Variants in MYO10 observed in about 807,000 individuals in gnomAD.
MYO10 encodes unconventional myosin-X.
A neutral mutation model predicts 257.3 loss-of-function variants in MYO10; 133 were observed. The ratio of observed to expected loss-of-function variants is 0.52; its 90% CI spans 0.45 to 0.60. The LOEUF (loss-of-function observed/expected upper bound fraction) is 0.60, where lower values mean the gene tolerates loss of function less well. MYO10 is among the 20% of genes least tolerant of loss of function. The pLI is 0.00. For synonymous variants in MYO10, 1,104 were observed against 1,028.6 expected (o/e 1.07, Z -1.40); for missense variants, 2,399 against 2,635.7 (o/e 0.91, Z 1.97).
At chr5:16,919,580 GA>G (rs1260713087) in intron 1 of MYO10, among the ~76,000 whole-genome samples, 2 of 152,100 alleles carry the variant, frequency 1.3e-5, no homozygotes, top group African/African-American at 4.8e-5. Context: ...AATCACTTAG[GA>G]CTACCAAGCA....
In MYO10 at chr5:16,675,623, G is replaced by A. The variant is rs567695349; in HGVS notation, c.4666+408C>T. On this transcript the variant is annotated intron_variant, in intron 34 of 40. Transcript: ENST00000513610. ...TGTGGTGGCGGGTGCTTGTAATCCC[G>A]GCTACTTAGGAGGCTGAGGCATGAG... 5.2e-3 allele frequency among the ~76,000 whole-genome samples: 784 copies of A among 152,014 alleles called. 4 individuals are homozygous for A. The highest frequency in any genetic ancestry group is 0.018 in the African/African-American group (750 of 41,450).
chr5:16,899,692 A>G (rs929809837), intron 1 of MYO10, among the ~76,000 whole-genome samples: 10 of 151,822 alleles, frequency 6.6e-5, no homozygotes, highest in African/African-American at 2.4e-4. Context: ...TAAATTGTAC[A>G]GGTCCAGTGT....
At chr5:16,720,022 G>GTA (rs1554039284) in intron 19 of MYO10, among the ~76,000 whole-genome samples, 12 of 142,130 alleles carry the variant, frequency 8.4e-5, no homozygotes, top group South Asian at 4.2e-4. Flanking sequence ...GTGTGTGTGT[G>GTA]TATATGTATG....
At chr5:16,894,215 C>T (rs1580124321) in intron 1 of MYO10, among the ~76,000 whole-genome samples, 1 of 152,176 alleles carries the variant, frequency 6.6e-6, no homozygotes, top group South Asian at 2.1e-4. Context: ...GTCCTTTTTC[C>T]GTCCCAGGAC....
At position 16,758,129 on chromosome 5, in the gene MYO10, A is replaced by C. The variant is rs760184606; in HGVS notation, c.1837T>G (p.Ser613Ala). 6.2e-7 allele frequency: 1 copy of C among 1,608,512 alleles called. No homozygotes were observed. Among genetic ancestry groups the C allele is most frequent in the East Asian group, 2.2e-5 (1 of 44,866 alleles). ...CAGTGAAAACGAACCTTGAACTGTGAGCTGACTGTAGGCCGCCGATGTTTG... is the reference window on the plus strand; with the variant it reads ...CAGTGAAAACGAACCTTGAACTGTGCGCTGACTGTAGGCCGCCGATGTTTG... ...GSKHRRPTVS[S>A]QFKDSLHSLM... The change falls in exon 18 of 41, where the codon TCA (serine) becomes GCA (alanine). Residue 613 changes from serine (S) to alanine (A), a missense_variant. Ser to Ala is a moderately conservative substitution (Grantham distance 99, BLOSUM62 1). Coordinates refer to ENST00000513610, the MANE Select transcript of MYO10 (RefSeq NM_012334.3).
intron 21 of MYO10, among the ~76,000 whole-genome samples, chr5:16,707,593 A>G (rs1252685401): frequency 6.6e-6 from 1 of 152,202 alleles, no homozygotes; most frequent in Admixed American, 6.5e-5. Flanking sequence ...GAGGAAGAAA[A>G]GTCTGACACT....
At chr5:16,870,459 C>T (rs1485343628) in intron 2 of MYO10, among the ~76,000 whole-genome samples, 4 of 151,646 alleles carry the variant, frequency 2.6e-5, no homozygotes, top group Middle Eastern at 3.4e-3. Context: ...GCTCTCCAGC[C>T]CCACCCCAAC....
Position 16,895,196 on chromosome 5 carries a change from C to A in MYO10, c.22-17489G>T, listed in dbSNP as rs115676209. On this transcript the variant is annotated intron_variant, in intron 1 of 40. Coordinates refer to ENST00000513610, the MANE Select transcript of MYO10 (RefSeq NM_012334.3). The stretch of plus-strand genomic sequence containing the variant: ...CATTTTGAAGGATCCATTTTTAATT[C>A]TTTCTCAGTTTGAAAGGCCTTCAGT... 7.2e-3 allele frequency among the ~76,000 whole-genome samples: 1,090 copies of A among 152,338 alleles called. 13 individuals carry two copies. The highest frequency in any genetic ancestry group is 0.024 in the African/African-American group (1,017 of 41,582).
At chr5:16,849,704 G>A (rs1304876458) in intron 2 of MYO10, among the ~76,000 whole-genome samples, 1 of 152,196 alleles carries the variant, frequency 6.6e-6, no homozygotes, top group Non-Finnish European at 1.5e-5. Context: ...TTAAATTAAT[G>A]TACTTATTTC....
intron 9 of MYO10, among the ~76,000 whole-genome samples, chr5:16,777,839 C>CTATTCTTTTTTTTTTT (rs1391555719): frequency 1.1e-5 from 1 of 88,482 alleles, no homozygotes; most frequent in African/African-American, 5.4e-5. Flanking sequence ...TTGCATCTAA[C>CTATTCTTTTTTTTTTT]TTTTTTTTTT....
chr5:16,754,805 C>T (rs796932648), intron 19 of MYO10, 23 bp downstream of exon 19: 1 of 1,562,048 alleles, frequency 6.4e-7, no homozygotes, highest in South Asian at 1.2e-5. Flanking sequence ...CAGATCCCAG[C>T]CTAGGACTGT....
At chr5:16,781,529 A>G (rs181934839) in intron 6 of MYO10, among the ~76,000 whole-genome samples, 176 bp downstream of exon 6, 31 of 152,352 alleles carry the variant, frequency 2.0e-4, no homozygotes, top group African/African-American at 7.5e-4. Context: ...TACCATGTCC[A>G]TCTCATAGAA....
Position 16,804,120 on chromosome 5 carries a change from A to G in MYO10, c.280-9287T>C, listed in dbSNP as rs974084271. 5.9e-5 allele frequency among the ~76,000 whole-genome samples: 9 copies of G among 152,286 alleles called. No homozygotes were observed. In the East Asian group the frequency reaches 1.4e-3, roughly 23 times the overall value. On this transcript the variant is annotated intron_variant, in intron 3 of 40. Transcript: ENST00000513610. ...TGGATCTACAGCGAATGCCTTCTCC[A>G]TCACCCATCCACCCACAGGGCTCTG...
intron 21 of MYO10, among the ~76,000 whole-genome samples, chr5:16,708,081 A>G (rs776547576): frequency 4.6e-5 from 7 of 152,242 alleles, no homozygotes; most frequent in Non-Finnish European, 1.0e-4. Context: ...AAAGCTATCA[A>G]GAAGCCACAA....
rs775295319 is a variant in MYO10, at chr5:16,666,760, T to G, written c.6109A>C (p.Ile2037Leu). The change falls in exon 41 of 41, where the codon ATC becomes CTC. Residue 2037 changes from isoleucine (I) to leucine (L), a missense_variant. Physicochemically the swap from Ile to Leu is conservative, Grantham distance 5. Coordinates refer to ENST00000513610, the MANE Select transcript of MYO10 (RefSeq NM_012334.3). ...TAGCGCTTCTTCACGATCATGCTGA[T>G]GTAGGCTTTCATGAGCTTGGCCACA... ...VDVAKLMKAY[I>L]SMIVKKRYST... is the part of the protein sequence containing the mutation. 6 of 1,607,774 alleles carry G rather than the reference T, an allele frequency of 3.7e-6. No individual in the cohort carries two copies. The South Asian group carries it at 6.7e-5, about 18-fold the overall frequency.
chr5:16,728,053 G>C (rs1349251480), intron 19 of MYO10, among the ~76,000 whole-genome samples: 2 of 152,158 alleles, frequency 1.3e-5, no homozygotes, highest in Non-Finnish European at 2.9e-5. Context: ...CAAGTGGCCT[G>C]AAAATCACGT....
chr5:16,885,991 C>T (rs1744887477), intron 1 of MYO10, among the ~76,000 whole-genome samples: 1 of 152,120 alleles, frequency 6.6e-6, no homozygotes, highest in Non-Finnish European at 1.5e-5. Flanking sequence ...GAGTAGGGCA[C>T]CCACGACAGC....
Position 16,870,761 on chromosome 5 carries a change from A to G in MYO10, c.120+6848T>C, listed in dbSNP as rs551696143. Among the ~76,000 whole-genome samples the G allele has an allele frequency of 2.0e-4, 31 of 152,230 alleles. No individual in the cohort carries two copies. In the South Asian group the frequency reaches 2.9e-3, roughly 14 times the overall value. ...TACAAAATTAGCCGGGCATGGTGGC[A>G]TGCGCCTGTAATCCCAGCTACTCAG... On this transcript the variant is annotated intron_variant, in intron 2 of 40. Transcript: ENST00000513610.
At chr5:16,679,391 G>A (rs1040964236) in intron 33 of MYO10, among the ~76,000 whole-genome samples, 2 of 152,194 alleles carry the variant, frequency 1.3e-5, no homozygotes, top group Non-Finnish European at 2.9e-5. Flanking sequence ...CCCAACAGGT[G>A]GGATCGGGTG....
Sources: gnomAD v4.1 joint callset for allele counts (sites outside exome capture counted in the v4.1 genomes callset) on GRCh38, gnomAD v4.1.1 for gene constraint, MANE v1.5 for transcripts, NCBI Gene and HGNC (gene_info 2026-07-23, HGNC 2026-07-21) for gene names.